The following A1CF variants were observed in gnomAD, a reference collection of about 807,000 sequenced individuals.
The protein encoded by A1CF is APOBEC1 complementation factor.
A1CF carries 48 observed loss-of-function variants against 68.9 expected under a neutral mutation model. The observed-to-expected ratio is 0.70, with a 90% CI of 0.55 to 0.89. The LOEUF (loss-of-function observed/expected upper bound fraction) is 0.89, where lower values mean the gene tolerates loss of function less well. A1CF is among the 40% of genes least tolerant of loss of function. A1CF has a pLI of 0.00. For synonymous variants in A1CF, 272 were observed against 260.4 expected, an observed-to-expected ratio of 1.04 and a Z score of -0.43; for missense variants, 653 against 718.9, an observed-to-expected ratio of 0.91 and a Z score of 1.05.
chr10:50,834,491 A>G (rs151099249), intron 6 of A1CF, among the ~76,000 whole-genome samples: 2 of 152,346 alleles, frequency 1.3e-5, no homozygotes, highest in African/African-American at 4.8e-5. Context: ...GTCTGTCCTG[A>G]TAGAAGGAAG....
At chr10:50,848,645 C>G (rs80263179) in intron 3 of A1CF, among the ~76,000 whole-genome samples, 1 of 152,044 alleles carries the variant, frequency 6.6e-6, no homozygotes, top group African/African-American at 2.4e-5. Context: ...AGTTTGTAAT[C>G]GTCTTTGTGG....
In A1CF at chr10:50,816,025, G is replaced by A; in HGVS notation, c.1122C>T (p.Ile374=). Residue 374 remains isoleucine, a synonymous_variant, in exon 9 of 13, where the codon ATC becomes ATT. Transcript: ENST00000373997. ...TGTTACCTCTAACAGAAGGGGCTCG[G>A]ATAATGGCTCTGTTGCTGAGATGTC... ...TKGHLSNRAI[I]RAPSVRGAAG... The A allele has an allele frequency of 6.2e-7, 1 of 1,613,710 alleles. No individual in the cohort carries two copies. The highest frequency in any genetic ancestry group is 8.5e-7 in the Non-Finnish European group (1 of 1,179,736).
intron 6 of A1CF, among the ~76,000 whole-genome samples, chr10:50,833,382 A>T (rs1299249825): frequency 6.6e-6 from 1 of 152,194 alleles, no homozygotes; most frequent in African/African-American, 2.4e-5. Context: ...GACATTGAGA[A>T]TCACTGCCAG....
rs1049331983 is a variant in A1CF at position 50,865,311 on chromosome 10, C to T, written c.-93-1231G>A. ...GCTGCTGCTATTACTACTACTACTA[C>T]TACTACTAAAATAAATACAATTAGG... On this transcript the variant is annotated intron_variant, in intron 1 of 12. Transcript: ENST00000373997. 2.0e-5 allele frequency among the ~76,000 whole-genome samples: 3 copies of T among 151,900 alleles called. No individual in the cohort carries two copies. In the East Asian group the frequency reaches 5.8e-4, roughly 29 times the overall value.
At chr10:50,822,565 TA>T (rs2132365294) in intron 7 of A1CF, 2 of 152,354 alleles carry the variant, frequency 1.3e-5, no homozygotes, top group Admixed American at 1.3e-4. Context: ...AAGGACAATT[TA>T]AAGACATTGT....
chr10:50,833,280 C>A (rs966130809), intron 6 of A1CF, among the ~76,000 whole-genome samples: 7 of 152,154 alleles, frequency 4.6e-5, no homozygotes, highest in Non-Finnish European at 7.4e-5. Context: ...AATTACCTGG[C>A]CTGACACCAG....
At chr10:50,845,150 A>G (rs1354890061) in intron 3 of A1CF, among the ~76,000 whole-genome samples, 1 of 152,192 alleles carries the variant, frequency 6.6e-6, no homozygotes, top group Non-Finnish European at 1.5e-5. Context: ...GAGTATTTTT[A>G]AAATCTAATT....
intron 1 of A1CF, among the ~76,000 whole-genome samples, chr10:50,872,838 A>C (rs1468545563): frequency 6.6e-6 from 1 of 151,658 alleles, no homozygotes; most frequent in Non-Finnish European, 1.5e-5. Context: ...TCTCATTGAA[A>C]TGTTACTCCT....
intron 12 of A1CF, among the ~76,000 whole-genome samples, chr10:50,807,148 T>C (rs1837872221): frequency 6.6e-6 from 1 of 152,172 alleles, no homozygotes; most frequent in Non-Finnish European, 1.5e-5. Context: ...TAAAGATGCT[T>C]GGGATAGGGT....
chr10:50,826,660 C>A (rs924187958), intron 7 of A1CF, among the ~76,000 whole-genome samples: 1 of 152,140 alleles, frequency 6.6e-6, no homozygotes, highest in Non-Finnish European at 1.5e-5. Flanking sequence ...ATAACCAGTA[C>A]CAGCGACTGC....
chr10:50,854,057 G>T (rs1589023810), intron 3 of A1CF, among the ~76,000 whole-genome samples: 1 of 151,858 alleles, frequency 6.6e-6, no homozygotes, highest in African/African-American at 2.4e-5. Context: ...TAATAATAAA[G>T]TTTTTTTCCA....
At chr10:50,846,098 CCCAAAAT>C (rs1170223693) in intron 3 of A1CF, among the ~76,000 whole-genome samples, 2 of 151,952 alleles carry the variant, frequency 1.3e-5, no homozygotes, top group Non-Finnish European at 2.9e-5. Flanking sequence ...TATTTCTAAC[CCCAAAAT>C]CCAAAATTCA....
chr10:50,861,108 G>T (rs1441198656), intron 2 of A1CF, among the ~76,000 whole-genome samples: 1 of 152,124 alleles, frequency 6.6e-6, no homozygotes, highest in Non-Finnish European at 1.5e-5. Context: ...GACTCAGAAT[G>T]AAGACACCAT....
chr10:50,833,185 G>C (rs1448758677), intron 6 of A1CF, among the ~76,000 whole-genome samples: 2 of 152,176 alleles, frequency 1.3e-5, no homozygotes, highest in African/African-American at 2.4e-5. Flanking sequence ...TGCAGCCTAG[G>C]ATGGAAAATC....
intron 7 of A1CF, chr10:50,824,542 T>A (rs1838829134): frequency 6.6e-6 from 1 of 152,190 alleles, no homozygotes; most frequent in South Asian, 2.1e-4. Context: ...AACACAAGTC[T>A]TCTCTGCACT....
At chr10:50,850,625 C>T (rs773377542) in intron 3 of A1CF, 45 of 1,612,318 alleles carry the variant, frequency 2.8e-5, no homozygotes, top group South Asian at 2.7e-4. Flanking sequence ...TAAAAGAGAA[C>T]GAGTAAAATG....
At chr10:50,829,700 A>G (rs886121419) in intron 6 of A1CF, among the ~76,000 whole-genome samples, 8 of 152,070 alleles carry the variant, frequency 5.3e-5, no homozygotes, top group African/African-American at 1.7e-4. Flanking sequence ...TATGCTTTAC[A>G]TAGACTTTTT....
At chr10:50,830,094 T>C (rs1033154224) in intron 6 of A1CF, among the ~76,000 whole-genome samples, 1 of 152,312 alleles carries the variant, frequency 6.6e-6, no homozygotes, top group Admixed American at 6.5e-5. Flanking sequence ...AGTATACAAA[T>C]ACATTAACTA....
At chr10:50,850,852 C>G (rs1027413169) in intron 3 of A1CF, 1 of 1,550,840 alleles carries the variant, frequency 6.4e-7, no homozygotes, top group African/African-American at 1.4e-5. Context: ...TTCCTTAATC[C>G]GTTTGGAGCT....
Sources: gnomAD v4.1 joint callset for allele counts (sites outside exome capture counted in the v4.1 genomes callset) on GRCh38, gnomAD v4.1.1 for gene constraint, MANE v1.5 for transcripts, NCBI Gene and HGNC (gene_info 2026-07-23, HGNC 2026-07-21) for gene names.